Variants in HYCC1 observed in about 807,000 individuals in gnomAD.
HYCC1 encodes the protein hyccin PI4KA lipid kinase complex subunit 1.
chr7:22,910,465 T>A, the HYCC1 span, among the ~76,000 whole-genome samples: 14 of 152,304 alleles, frequency 9.2e-5, no homozygotes, highest in South Asian at 2.9e-3. Context: ...GGAAGCCAAA[T>A]AAACCTTTTT....
chr7:23,008,124 G>A, the HYCC1 span, among the ~76,000 whole-genome samples: 8 of 151,950 alleles, frequency 5.3e-5, no homozygotes, highest in Non-Finnish European at 1.0e-4. Flanking sequence ...TCATTCACGC[G>A]CTTTACACAT....
the HYCC1 span, among the ~76,000 whole-genome samples, chr7:23,004,531 T>C: frequency 1.3e-5 from 2 of 152,312 alleles, no homozygotes; most frequent in African/African-American, 4.8e-5. Flanking sequence ...TTGTATGACA[T>C]ATTTGATGTT....
At chr7:22,930,725 G>A in the HYCC1 span, among the ~76,000 whole-genome samples, 1 of 151,950 alleles carries the variant, frequency 6.6e-6, no homozygotes, top group South Asian at 2.1e-4. Flanking sequence ...CAAAATACTA[G>A]CAAATCAAAT....
the HYCC1 span, among the ~76,000 whole-genome samples, chr7:22,905,435 T>C: frequency 1.0e-4 from 15 of 143,578 alleles, no homozygotes; most frequent in Non-Finnish European, 2.0e-4. Context: ...GTGTTTCTCC[T>C]TGTTGGCCGG....
At chr7:22,994,269 T>C in the HYCC1 span, among the ~76,000 whole-genome samples, 7 of 152,318 alleles carry the variant, frequency 4.6e-5, no homozygotes, top group Non-Finnish European at 7.4e-5. Context: ...TAACTTTTAA[T>C]GAATAAACTA....
At chr7:22,914,583 CA>C in the HYCC1 span, among the ~76,000 whole-genome samples, 1 of 151,926 alleles carries the variant, frequency 6.6e-6, no homozygotes, top group African/African-American at 2.4e-5. Context: ...TGATTTTTGT[CA>C]AAAAATGGGC....
the HYCC1 span, among the ~76,000 whole-genome samples, chr7:22,927,329 G>A: frequency 0.19 from 29,228 of 151,910 alleles, 3,427 homozygotes; most frequent in Non-Finnish European, 0.26. Context: ...AAATAACTAA[G>A]ATCAGAGCAG....
chr7:22,902,849 A>G, the HYCC1 span, among the ~76,000 whole-genome samples: 1 of 152,188 alleles, frequency 6.6e-6, no homozygotes, highest in Admixed American at 6.5e-5. Context: ...AGTGACCTTG[A>G]GATAAACATA....
chr7:22,963,731 C>CA, the HYCC1 span, among the ~76,000 whole-genome samples: 102 of 152,254 alleles, frequency 6.7e-4, no homozygotes, highest in Non-Finnish European at 1.2e-3. Flanking sequence ...GACTGTATTG[C>CA]AAAAAACTTG....
chr7:22,939,481 T>A, the HYCC1 span: 3 of 152,234 alleles, frequency 2.0e-5, no homozygotes, highest in South Asian at 6.2e-4. Flanking sequence ...AAATCTTATT[T>A]TAATTTGCAT....
At chr7:22,997,552 T>C in the HYCC1 span, among the ~76,000 whole-genome samples, 1 of 152,250 alleles carries the variant, frequency 6.6e-6, no homozygotes, top group South Asian at 2.1e-4. Context: ...GAAAACAGAA[T>C]GGAGAGAAAT....
the HYCC1 span, among the ~76,000 whole-genome samples, chr7:22,952,191 C>T: frequency 2.6e-5 from 4 of 151,542 alleles, no homozygotes; most frequent in Non-Finnish European, 1.5e-5. Context: ...AATATCGGAA[C>T]CAAGTAAACA....
At chr7:22,946,949 T>C in the HYCC1 span, 2 of 1,542,760 alleles carry the variant, frequency 1.3e-6, no homozygotes, top group Non-Finnish European at 1.7e-6. Flanking sequence ...TGCCTTAAGA[T>C]ACCTTGGAGT....
At chr7:22,976,164 T>A in the HYCC1 span, 18 of 1,153,880 alleles carry the variant, frequency 1.6e-5, no homozygotes, top group Non-Finnish European at 2.2e-5. Flanking sequence ...CTAGCAATCA[T>A]AGATTCATAT....
the HYCC1 span, among the ~76,000 whole-genome samples, chr7:22,995,278 C>A: frequency 2.0e-5 from 3 of 152,112 alleles, no homozygotes; most frequent in Admixed American, 6.6e-5. Context: ...CTCGGTCCCT[C>A]CCCTTCATTT....
At chr7:22,925,352 G>A in the HYCC1 span, among the ~76,000 whole-genome samples, 1 of 152,192 alleles carries the variant, frequency 6.6e-6, no homozygotes, top group Non-Finnish European at 1.5e-5. Context: ...GATGAGTTGA[G>A]AGAGGAAGGC....
chr7:22,942,017 AGATT>A, the HYCC1 span: 3 of 152,106 alleles, frequency 2.0e-5, no homozygotes, highest in East Asian at 5.8e-4. Flanking sequence ...CCTTTAATAC[AGATT>A]TATTGTGCCT....
chr7:22,912,739 T>C, the HYCC1 span, among the ~76,000 whole-genome samples: 1 of 152,208 alleles, frequency 6.6e-6, no homozygotes, highest in South Asian at 2.1e-4. Context: ...AGTTCAAGCC[T>C]AAGGGTGTTC....
the HYCC1 span, among the ~76,000 whole-genome samples, chr7:23,006,220 A>G: frequency 1.1e-4 from 16 of 152,302 alleles, no homozygotes; most frequent in African/African-American, 3.8e-4. Flanking sequence ...GGAACAGAAG[A>G]GTTCAAAAAG....
Sources: gnomAD v4.1 joint callset for allele counts (sites outside exome capture counted in the v4.1 genomes callset) on GRCh38, gnomAD v4.1.1 for gene constraint, MANE v1.5 for transcripts, NCBI Gene and HGNC (gene_info 2026-07-23, HGNC 2026-07-21) for gene names.